Variants in SRGAP3 observed in about 807,000 individuals in gnomAD.
The protein encoded by SRGAP3 is SLIT-ROBO Rho GTPase activating protein 3, also known as SLIT-ROBO Rho GTPase-activating protein 3.
SRGAP3 carries 39 observed loss-of-function variants against 121.1 expected under a neutral mutation model. That is an observed-to-expected ratio of 0.32 (90% CI 0.25 to 0.42). SRGAP3 has a LOEUF of 0.42. Among genes scored for constraint, SRGAP3 ranks in the 10% least tolerant of loss-of-function variants. The pLI is 1.00. For missense variants in SRGAP3, 1,213 were observed against 1,470.6 expected (o/e 0.82, Z 2.86); for synonymous variants, 601 against 570.0 (o/e 1.05, Z -0.77).
chr3:9,329,117 G>A (rs527832571), intron 2 of SRGAP3, among the ~76,000 whole-genome samples: 3 of 152,238 alleles, frequency 2.0e-5, no homozygotes, highest in Non-Finnish European at 2.9e-5. Flanking sequence ...GGTACTCCGC[G>A]ACACAGAAAA....
At chr3:9,203,234 G>A (rs1212807033) in intron 1 of SRGAP3, among the ~76,000 whole-genome samples, 2 of 152,244 alleles carry the variant, frequency 1.3e-5, no homozygotes, top group East Asian at 3.9e-4. Context: ...TTGTCACTAT[G>A]ACCAAAACAA....
At chr3:9,254,186 T>C (rs957150859), upstream of SRGAP3, among the ~76,000 whole-genome samples, 2 of 152,094 alleles carry the variant, frequency 1.3e-5, no homozygotes, top group South Asian at 2.1e-4. Context: ...AACCAAAAGA[T>C]AGAAACAACC....
At chr3:9,149,143 G>A (rs9828407) in intron 1 of SRGAP3, among the ~76,000 whole-genome samples, 24,385 of 151,200 alleles carry the variant, frequency 0.16, 2,314 homozygotes, top group African/African-American at 0.25. Context: ...GAAGCCGGGA[G>A]GCGGAGGTTG....
intron 3 of SRGAP3, among the ~76,000 whole-genome samples, chr3:9,259,295 T>C (rs1301780441): frequency 1.3e-5 from 2 of 152,128 alleles, no homozygotes; most frequent in Non-Finnish European, 2.9e-5. Flanking sequence ...TCTTTTTTTT[T>C]AGAGAGAGGG....
chr3:9,101,565 G>A (rs190278447), intron 3 of SRGAP3, among the ~76,000 whole-genome samples: 241 of 152,316 alleles, frequency 1.6e-3, no homozygotes, highest in Non-Finnish European at 2.8e-3. Context: ...CACGGCCAGC[G>A]GGTGGGGCTG....
Position 8,985,783 on chromosome 3 carries a change from G to A in SRGAP3, c.3036C>T (p.Pro1012=), listed in dbSNP as rs61747989. 1.5e-3 allele frequency: 2,443 copies of A among 1,600,284 alleles called. 29 individuals are homozygous for A. The African/African-American group carries it at 0.028, about 18-fold the overall frequency. Residue 1012 remains proline (P), a synonymous_variant, in exon 22 of 22, where the codon CCC becomes CCT. Coordinates refer to ENST00000383836, the MANE Select transcript of SRGAP3 (RefSeq NM_014850.4). This position sits in a 1 kb window ranked among gnomAD's most constrained non-coding sequence, Gnocchi z 5.1. The stretch of plus-strand genomic sequence containing the variant: ...GGTCGCGGATGACGATGGTGTGAAG[G>A]GGACTGGCGGGCTCCGAGCTGACGG... ...PGPVSSEPAS[P]LHTIVIRDPD...
At chr3:9,280,496 A>T (rs550106003) in intron 3 of SRGAP3, among the ~76,000 whole-genome samples, 7 of 152,302 alleles carry the variant, frequency 4.6e-5, no homozygotes, top group African/African-American at 1.7e-4. Flanking sequence ...GAAACTACTG[A>T]CCAGCTCTGT....
At chr3:9,083,742 C>A (rs1947339565) in intron 3 of SRGAP3, among the ~76,000 whole-genome samples, 1 of 152,184 alleles carries the variant, frequency 6.6e-6, no homozygotes, top group Non-Finnish European at 1.5e-5. Context: ...GGCAGTTCTG[C>A]TGGGAAGAGT....
chr3:9,180,111 G>A (rs1369665593), intron 1 of SRGAP3, among the ~76,000 whole-genome samples: 1 of 152,248 alleles, frequency 6.6e-6, no homozygotes, highest in African/African-American at 2.4e-5. Flanking sequence ...CAAGAGAAAG[G>A]GAGGGACAGA....
In SRGAP3 at chr3:8,982,283, CAAAG is replaced by C. The variant is rs1172240898; in HGVS notation, c.*3232_*3235del. 1 of 225,980 alleles carries C rather than the reference CAAAG, an allele frequency of 4.4e-6. No homozygotes were observed. The highest frequency in any genetic ancestry group is 5.7e-5 in the Admixed American group (1 of 17,458). The allele number at this position is 225,980 out of a possible 1,614,324, so 14.0% of individuals were successfully genotyped here. Reference sequence around the variant, plus strand: ...TAAGAAAAGAAATCATTCCATGAAGCAAAGAAAAAAAAATGCCCGTTGTCAACTA... The same window carrying C: ...TAAGAAAAGAAATCATTCCATGAAGCAAAAAAAAATGCCCGTTGTCAACTA... On this transcript the variant is annotated 3_prime_UTR_variant, in exon 22 of 22. Coordinates refer to ENST00000383836, the MANE Select transcript of SRGAP3 (RefSeq NM_014850.4).
Position 9,177,053 on chromosome 3 carries a change from G to T in SRGAP3, c.68-52136C>A, listed in dbSNP as rs548393617. 2.6e-5 allele frequency among the ~76,000 whole-genome samples: 4 copies of T among 152,262 alleles called. No homozygotes were observed. In the South Asian group the frequency reaches 6.2e-4, roughly 24 times the overall value. On this transcript the variant is annotated intron_variant, in intron 1 of 21. Transcript: ENST00000383836. ...ATTTTCCTATTTTTTCTATCCTGAG[G>T]TTCTTAACCTGAAGTTCAGAGACTG...
intron 1 of SRGAP3, among the ~76,000 whole-genome samples, chr3:9,180,193 G>A (rs1278181324): frequency 6.6e-6 from 1 of 152,210 alleles, no homozygotes; most frequent in African/African-American, 2.4e-5. Context: ...AGTCACCTCG[G>A]CAGTGCAGGG....
At chr3:9,155,547 C>T (rs2675181) in intron 1 of SRGAP3, among the ~76,000 whole-genome samples, 106,134 of 151,884 alleles carry the variant, frequency 0.7, 37,850 homozygotes, top group African/African-American at 0.81. Flanking sequence ...TTTCCATCTA[C>T]TTCCTGTGTC....
chr3:9,037,814 C>G, intron 11 of SRGAP3: 2 of 585,952 alleles, frequency 3.4e-6, no homozygotes, highest in Middle Eastern at 4.6e-4. Flanking sequence ...GGAGGGTGCC[C>G]CACTGCCACA....
chr3:9,072,007 CA>C (rs1376063395), intron 4 of SRGAP3, among the ~76,000 whole-genome samples: 2 of 152,178 alleles, frequency 1.3e-5, no homozygotes, highest in Non-Finnish European at 2.9e-5. Context: ...AACAGAGTGT[CA>C]TTTTTATCTA....
chr3:9,170,936 C>T (rs1950956006), intron 1 of SRGAP3, among the ~76,000 whole-genome samples: 1 of 152,236 alleles, frequency 6.6e-6, no homozygotes. Context: ...GCTGGCAGAG[C>T]AAGGCCATGG....
At position 9,248,669 on chromosome 3, in the gene SRGAP3, C is replaced by T. The variant is rs1574938872; in HGVS notation, c.67+216G>A. Among the ~76,000 whole-genome samples, 5 of 152,246 alleles carry T rather than the reference C, an allele frequency of 3.3e-5. No individual in the cohort carries two copies. In the East Asian group the frequency reaches 9.6e-4, roughly 29 times the overall value. On this transcript the variant is annotated intron_variant, in intron 1 of 21. Transcript: ENST00000383836. Reference sequence around the variant, plus strand: ...ACACCTGCAATGCAGAGACTGCTGCCCATTCCATAATCCACACTCCCAGCC... The same window carrying T: ...ACACCTGCAATGCAGAGACTGCTGCTCATTCCATAATCCACACTCCCAGCC...
At chr3:9,033,015 T>C (rs528051338) in intron 11 of SRGAP3, among the ~76,000 whole-genome samples, 3 of 152,152 alleles carry the variant, frequency 2.0e-5, no homozygotes, top group Non-Finnish European at 4.4e-5. Flanking sequence ...ATATAGTACA[T>C]GTGCAAGAAA....
rs111869306 is a variant in SRGAP3 at position 9,348,859 on chromosome 3, G to A, written n.214+13981C>T. On this transcript the variant is annotated intron_variant and non_coding_transcript_variant, in intron 1 of 3. Transcript: ENST00000490889. The stretch of plus-strand genomic sequence containing the variant: ...TCTACAACATCAGTAAGGATCGCAG[G>A]TTTGCAAACCTCACTGAAGATCAGC... 118 of 1,290,754 alleles carry A rather than the reference G, an allele frequency of 9.1e-5. No individual in the cohort carries two copies. The African/African-American group carries it at 1.7e-3, about 18-fold the overall frequency. The allele number at this position is 1,290,754 out of a possible 1,614,324, so 80.0% of individuals were successfully genotyped here.
Sources: allele counts gnomAD v4.1 joint callset (sites outside exome capture counted in the v4.1 genomes callset), GRCh38; gene constraint gnomAD v4.1.1; non-coding constraint Gnocchi (gnomAD v3.1); transcripts MANE v1.5; gene names NCBI Gene and HGNC (gene_info 2026-07-23, HGNC 2026-07-21).